MGAT5: variants seen among roughly 807,000 people sequenced by gnomAD.
MGAT5 encodes the protein alpha-1,6-mannosylglycoprotein 6-beta-N-acetylglucosaminyltransferase A.
A neutral mutation model predicts 94.3 loss-of-function variants in MGAT5; 30 were observed. That is an observed-to-expected ratio of 0.32 (90% confidence interval 0.24 to 0.43). MGAT5 has a LOEUF of 0.43. Ranked by LOEUF, MGAT5 falls within the 20% of genes least tolerant of loss-of-function variation. The pLI, the probability that MGAT5 is intolerant of heterozygous loss-of-function variation, is 1.00. For synonymous variants in MGAT5, 310 were observed against 322.9 expected, an observed-to-expected ratio of 0.96 and a Z score of 0.43; for missense variants, 691 against 905.5, an observed-to-expected ratio of 0.76 and a Z score of 3.04.
intron 1 of MGAT5, among the ~76,000 whole-genome samples, chr2:134,182,962 T>C (rs1312914829): frequency 2.0e-5 from 3 of 151,942 alleles, no homozygotes; most frequent in African/African-American, 4.8e-5. Flanking sequence ...AATTTTGTTT[T>C]TGTATTTTTA....
Position 134,419,490 on chromosome 2 carries a change from T to TG in MGAT5, c.1678-3313_1678-3312insG, listed in dbSNP as rs1684179569. Reference sequence around the variant, plus strand: ...TGTGTGTGTGTGTGTGTGTGTGTGTTTCCATAAAGAGAACTCATGTTCTCC... The same window carrying TG: ...TGTGTGTGTGTGTGTGTGTGTGTGTTGTCCATAAAGAGAACTCATGTTCTCC... On this transcript the variant is annotated intron_variant, in intron 12 of 15. Transcript: ENST00000281923. Among the ~76,000 whole-genome samples, 6 of 67,976 alleles carry TG rather than the reference T, an allele frequency of 8.8e-5. No individual in the cohort carries two copies. The Admixed American group carries it at 1.0e-3, about 12-fold the overall frequency. 44.6% of individuals were successfully genotyped at this position (67,976 alleles called of 152,430 possible).
At chr2:134,415,178 T>C (rs538577174) in intron 12 of MGAT5, among the ~76,000 whole-genome samples, 4 of 152,346 alleles carry the variant, frequency 2.6e-5, no homozygotes, top group African/African-American at 9.6e-5. Context: ...TCTTATTTTT[T>C]GAGAAACCTC....
At chr2:134,172,427 C>T (rs889617148) in intron 1 of MGAT5, among the ~76,000 whole-genome samples, 1 of 151,890 alleles carries the variant, frequency 6.6e-6, no homozygotes. Context: ...TGCTCTGTCT[C>T]CCAGGCTGGA....
intron 1 of MGAT5, among the ~76,000 whole-genome samples, chr2:134,169,009 C>A (rs1017358749): frequency 6.6e-6 from 1 of 152,126 alleles, no homozygotes; most frequent in Admixed American, 6.5e-5. Context: ...GAATTGCCCA[C>A]CTTTGTCCTG....
intron 2 of MGAT5, among the ~76,000 whole-genome samples, chr2:134,290,016 C>A (rs1482194805): frequency 6.6e-6 from 1 of 152,178 alleles, no homozygotes; most frequent in Non-Finnish European, 1.5e-5. Flanking sequence ...TATGAGTCCT[C>A]CTAGCAAATC....
intron 7 of MGAT5, 148 bp from the exon 8 acceptor site, chr2:134,344,782 A>C (rs1180236099): frequency 5.6e-6 from 5 of 886,606 alleles, no homozygotes; most frequent in Non-Finnish European, 8.4e-6. Context: ...GAAATAATTT[A>C]TATAGGTAGC....
intron 1 of MGAT5, among the ~76,000 whole-genome samples, chr2:134,168,197 G>C (rs1445009761): frequency 1.3e-5 from 2 of 152,204 alleles, no homozygotes; most frequent in Non-Finnish European, 2.9e-5. Context: ...CACACAGACT[G>C]TGTCTCCCTT....
In MGAT5 at chr2:134,402,952, A is replaced by C. The variant is rs180802521; in HGVS notation, c.1381-36A>C. On this transcript the variant is annotated intron_variant, in intron 10 of 15. Transcript: ENST00000281923. The stretch of plus-strand genomic sequence containing the variant: ...TACAGGTTGTTATGCAAATGAAAGA[A>C]AAAGAGAAATGTCTTGTGCTTGTTT... 188 of 1,554,912 alleles carry C rather than the reference A, an allele frequency of 1.2e-4. 2 individuals are homozygous for C. The East Asian group carries it at 3.5e-3, about 29-fold the overall frequency.
At chr2:134,186,902 C>T (rs371791457) in intron 1 of MGAT5, among the ~76,000 whole-genome samples, 1 of 151,974 alleles carries the variant, frequency 6.6e-6, no homozygotes, top group African/African-American at 2.4e-5. Context: ...GAAGAAAAAC[C>T]AAGTAGGGCA....
chr2:134,174,839 A>G (rs550940493), intron 1 of MGAT5, among the ~76,000 whole-genome samples: 1 of 152,330 alleles, frequency 6.6e-6, no homozygotes, highest in East Asian at 1.9e-4. Context: ...GATGGTGACC[A>G]TGGGCTTTGG....
intron 10 of MGAT5, among the ~76,000 whole-genome samples, chr2:134,396,435 C>A (rs1682711468): frequency 1.3e-5 from 2 of 152,172 alleles, no homozygotes; most frequent in South Asian, 4.1e-4. Context: ...TGTCTCTCTC[C>A]TCTCTTTTTC....
chr2:134,314,532 T>C (rs1686887210), intron 2 of MGAT5, among the ~76,000 whole-genome samples: 1 of 152,068 alleles, frequency 6.6e-6, no homozygotes, highest in South Asian at 2.1e-4. Context: ...CCTCATGTGC[T>C]AGGAGGGGAG....
chr2:134,373,545 C>T (rs4954137), intron 10 of MGAT5, among the ~76,000 whole-genome samples: 147,982 of 152,322 alleles, frequency 0.97, 71,973 homozygotes, highest in East Asian at 1. Context: ...TATTAAAATA[C>T]AGCTTGTAGG....
intron 10 of MGAT5, among the ~76,000 whole-genome samples, chr2:134,365,877 G>A (rs758748146): frequency 1.3e-5 from 2 of 151,882 alleles, no homozygotes; most frequent in South Asian, 2.1e-4. Flanking sequence ...AAGGAGGAGC[G>A]GGCTTGTCCT....
chr2:134,387,315 TATATATATATA>T (rs1682062751), intron 10 of MGAT5, among the ~76,000 whole-genome samples: 1 of 45,608 alleles, frequency 2.2e-5, no homozygotes, highest in Non-Finnish European at 4.4e-5. Flanking sequence ...TATATATATA[TATATATATATA>T]TATATATTTT....
At chr2:134,391,291 G>A (rs988713689) in intron 10 of MGAT5, among the ~76,000 whole-genome samples, 1 of 152,164 alleles carries the variant, frequency 6.6e-6, no homozygotes, top group African/African-American at 2.4e-5. Context: ...CTTACCTGGG[G>A]TGGTGAATGG....
chr2:134,190,360 A>C (rs559588778), intron 1 of MGAT5, among the ~76,000 whole-genome samples: 2 of 152,014 alleles, frequency 1.3e-5, no homozygotes, highest in African/African-American at 4.8e-5. Context: ...CATTTCTTTG[A>C]TTTGCTGTTT....
intron 1 of MGAT5, among the ~76,000 whole-genome samples, chr2:134,169,425 C>CACACACAG (rs1553487218): frequency 1.6e-4 from 25 of 151,608 alleles, no homozygotes; most frequent in Middle Eastern, 3.4e-3. Context: ...CACACACACA[C>CACACACAG]ACACACACAC....
intron 1 of MGAT5, among the ~76,000 whole-genome samples, chr2:134,177,519 A>T (rs764690596): frequency 5.0e-4 from 76 of 152,192 alleles, no homozygotes; most frequent in Non-Finnish European, 7.2e-4. Flanking sequence ...CAGGAAGATG[A>T]CAAGAGTGCG....
Sources: allele counts gnomAD v4.1 joint callset (sites outside exome capture counted in the v4.1 genomes callset), GRCh38; gene constraint gnomAD v4.1.1; transcripts MANE v1.5; gene names NCBI Gene and HGNC (gene_info 2026-07-23, HGNC 2026-07-21).